PLCL2: variants seen among roughly 807,000 people sequenced by gnomAD.
PLCL2 encodes inactive phospholipase C-like protein 2.
Under a neutral mutation model 79.6 loss-of-function variants are expected in PLCL2, and 4 were observed. The ratio of observed to expected loss-of-function variants is 0.05; its 90% confidence interval spans 0.02 to 0.11. The LOEUF (loss-of-function observed/expected upper bound fraction) is 0.11, where lower values mean the gene tolerates loss of function less well. Among genes scored for constraint, PLCL2 ranks in the 10% least tolerant of loss-of-function variants. PLCL2 has a pLI of 1.00. For synonymous variants in PLCL2, 484 were observed against 457.7 expected, an observed-to-expected ratio of 1.06 and a Z score of -0.73; for missense variants, 895 against 1,291.0, an observed-to-expected ratio of 0.69 and a Z score of 4.70.
At chr3:16,926,108 AT>A (rs140621786) in intron 1 of PLCL2, among the ~76,000 whole-genome samples, 4,816 of 152,128 alleles carry the variant, frequency 0.032, 118 homozygotes, top group South Asian at 0.059. Context: ...TAAAATTATT[AT>A]TTTTTTTGAT....
chr3:16,985,435 A>G (rs774608273), intron 1 of PLCL2, among the ~76,000 whole-genome samples: 3 of 152,168 alleles, frequency 2.0e-5, no homozygotes, highest in Non-Finnish European at 4.4e-5. Context: ...TTAACAGTAT[A>G]CTTGATCAAT....
At chr3:16,975,736 G>T (rs1269953734) in intron 1 of PLCL2, among the ~76,000 whole-genome samples, 1 of 152,186 alleles carries the variant, frequency 6.6e-6, no homozygotes, top group East Asian at 1.9e-4. Context: ...AGAAGTCCAG[G>T]ATGATTGCAT....
chr3:16,991,116 A>T (rs1276028707), intron 1 of PLCL2, among the ~76,000 whole-genome samples: 1 of 152,158 alleles, frequency 6.6e-6, no homozygotes, highest in Non-Finnish European at 1.5e-5. Flanking sequence ...TCAGAGCCTC[A>T]TGTGCATAAC....
chr3:16,967,023 A>G (rs888764926), intron 1 of PLCL2, among the ~76,000 whole-genome samples: 1 of 151,984 alleles, frequency 6.6e-6, no homozygotes, highest in Non-Finnish European at 1.5e-5. Context: ...AACATGCAGT[A>G]TTTGGTTTTC....
intron 1 of PLCL2, among the ~76,000 whole-genome samples, chr3:16,953,438 C>T (rs2063671107): frequency 6.6e-6 from 1 of 151,924 alleles, no homozygotes; most frequent in Admixed American, 6.6e-5. Context: ...TATGTATTTC[C>T]TTTCTGTGTG....
At chr3:17,052,403 G>A (rs1200850844) in intron 4 of PLCL2, among the ~76,000 whole-genome samples, 4 of 152,042 alleles carry the variant, frequency 2.6e-5, no homozygotes. Context: ...AGAAGAAGCA[G>A]TGCCCCCAAA....
rs546945787 is a variant in PLCL2, at chr3:16,905,442, T to A, written c.327+20076T>A. Among the ~76,000 whole-genome samples, 21 of 152,344 alleles carry A rather than the reference T, an allele frequency of 1.4e-4. No homozygotes were observed. In the South Asian group the frequency reaches 4.3e-3, roughly 32 times the overall value. Reference sequence around the variant, plus strand: ...AAAATAGCAGCCTTCTAATGGAAATTTTCTTTTAGTATAAAATGTACTTTC... The same window carrying A: ...AAAATAGCAGCCTTCTAATGGAAATATTCTTTTAGTATAAAATGTACTTTC... On this transcript the variant is annotated intron_variant, in intron 1 of 5. Coordinates refer to ENST00000615277, the MANE Select transcript of PLCL2 (RefSeq NM_001144382.2).
intron 4 of PLCL2, among the ~76,000 whole-genome samples, chr3:17,063,252 C>CCCTCCCTGCCTG (rs1394617818): frequency 2.5e-4 from 1 of 4,076 alleles, no homozygotes. Context: ...CTGCCTTCCT[C>CCCTCCCTGCCTG]CCTTCCTCCC....
At chr3:16,998,237 A>C (rs1202380240) in intron 1 of PLCL2, among the ~76,000 whole-genome samples, 1 of 152,220 alleles carries the variant, frequency 6.6e-6, no homozygotes, top group Non-Finnish European at 1.5e-5. Context: ...GTGAAGAACC[A>C]GCACAGTGTA....
At chr3:17,056,956 A>G (rs1403818598) in intron 4 of PLCL2, among the ~76,000 whole-genome samples, 2 of 152,212 alleles carry the variant, frequency 1.3e-5, no homozygotes, top group African/African-American at 2.4e-5. Flanking sequence ...AAAGCTTAGC[A>G]GACTTTATCA....
intron 1 of PLCL2, among the ~76,000 whole-genome samples, chr3:17,000,732 T>C (rs188823153): frequency 6.6e-6 from 1 of 152,280 alleles, no homozygotes; most frequent in Admixed American, 6.5e-5. Context: ...GTTCCATCCA[T>C]GTTGCTGCAA....
chr3:16,897,063 A>T (rs910699251), intron 1 of PLCL2, among the ~76,000 whole-genome samples: 1 of 152,116 alleles, frequency 6.6e-6, no homozygotes, highest in African/African-American at 2.4e-5. Flanking sequence ...AATCCTGCAG[A>T]TGATAGTTGG....
chr3:16,912,711 C>A (rs1696910232), intron 1 of PLCL2, among the ~76,000 whole-genome samples: 1 of 152,186 alleles, frequency 6.6e-6, no homozygotes, highest in Non-Finnish European at 1.5e-5. Context: ...TGACTGTTTT[C>A]TTTGCTTTAA....
chr3:16,948,308 AGGGCAGATCTGTGTG>A (rs2063619934), intron 1 of PLCL2, among the ~76,000 whole-genome samples: 1 of 148,646 alleles, frequency 6.7e-6, no homozygotes, highest in Non-Finnish European at 1.5e-5. Context: ...TGTCTGCAAT[AGGGCAGATCTGTGTG>A]GGGCAGAAGG....
At chr3:16,904,306 C>CAAA (rs547582289) in intron 1 of PLCL2, among the ~76,000 whole-genome samples, 1 of 116,132 alleles carries the variant, frequency 8.6e-6, no homozygotes, top group African/African-American at 3.3e-5. Context: ...GAGATCTTGA[C>CAAA]AAAAAAAAAA....
intron 1 of PLCL2, among the ~76,000 whole-genome samples, chr3:16,965,289 G>T (rs182056218): frequency 6.6e-6 from 1 of 151,932 alleles, no homozygotes; most frequent in Non-Finnish European, 1.5e-5. Context: ...CCTTTCTCCC[G>T]TTTCTTGTTT....
chr3:17,086,005 T>A (rs1377546204), intron 5 of PLCL2, among the ~76,000 whole-genome samples: 1 of 152,142 alleles, frequency 6.6e-6, no homozygotes, highest in Admixed American at 6.6e-5. Context: ...ATATATAGAT[T>A]CAACATAATC....
chr3:16,928,770 A>T (rs539930821), intron 1 of PLCL2, among the ~76,000 whole-genome samples: 1 of 152,264 alleles, frequency 6.6e-6, no homozygotes, highest in African/African-American at 2.4e-5. Flanking sequence ...TATGAGAAGT[A>T]TGGAGTACCA....
rs112651297 is a variant in PLCL2 at position 16,911,009 on chromosome 3, T to C, written c.327+25643T>C. 4.1e-3 allele frequency among the ~76,000 whole-genome samples: 631 copies of C among 152,272 alleles called. 3 individuals are homozygous for C. Among genetic ancestry groups the C allele is most frequent in the African/African-American group, 0.014 (598 of 41,534 alleles). ...TGGCTCACCCTGTAATCCCAGCACT[T>C]TGGGAGGCGAAGGTGGGTGGATCAC... On this transcript the variant is annotated intron_variant, in intron 1 of 5. Coordinates refer to ENST00000615277, the MANE Select transcript of PLCL2 (RefSeq NM_001144382.2).
Sources: allele counts gnomAD v4.1 joint callset (sites outside exome capture counted in the v4.1 genomes callset), GRCh38; gene constraint gnomAD v4.1.1; transcripts MANE v1.5; gene names NCBI Gene and HGNC (gene_info 2026-07-23, HGNC 2026-07-21).